UST: variants seen among roughly 807,000 people sequenced by gnomAD.
The protein encoded by UST is chondroitin sulfate 2-O-sulfotransferase.
UST carries 21 observed loss-of-function variants against 45.6 expected under a neutral mutation model. The ratio of observed to expected loss-of-function variants is 0.46; its 90% CI spans 0.33 to 0.66. The LOEUF is 0.66. Ranked by LOEUF, UST falls within the 30% of genes least tolerant of loss-of-function variation. The probability of loss-of-function intolerance (pLI) is 0.02; values close to 1 mark genes in which losing one functional copy is unlikely to be tolerated. For missense variants in UST, 463 were observed against 512.4 expected (o/e 0.90, Z 0.93); for synonymous variants, 215 against 200.6 (o/e 1.07, Z -0.61).
Position 148,890,997 on chromosome 6 carries a change from A to G in UST, c.291+3968A>G, listed in dbSNP as rs142932073. Among the ~76,000 whole-genome samples, 481 of 152,336 alleles carry G rather than the reference A, an allele frequency of 3.2e-3. 5 individuals are homozygous for G. Among genetic ancestry groups the G allele is most frequent in the African/African-American group, 0.011 (458 of 41,574 alleles). ...TGTTTGTATGTATGCCTACAGAGAC[A>G]AGCCTGGAAAGGGTAATAGTGTTTT... On this transcript the variant is annotated intron_variant, in intron 2 of 7. Coordinates refer to ENST00000367463, the MANE Select transcript of UST (RefSeq NM_005715.3).
intron 7 of UST, among the ~76,000 whole-genome samples, chr6:149,050,546 T>C (rs530306035): frequency 1.6e-4 from 25 of 152,336 alleles, no homozygotes; most frequent in African/African-American, 5.5e-4. Context: ...CCTATTTGCT[T>C]TTTCTAGTGA....
At chr6:148,751,433 G>A (rs931031917) in intron 1 of UST, among the ~76,000 whole-genome samples, 4 of 151,260 alleles carry the variant, frequency 2.6e-5, no homozygotes, top group Admixed American at 2.0e-4. Context: ...GTGTGGGGAA[G>A]GACGAGAACA....
chr6:148,802,615 T>A (rs1472975284), intron 1 of UST, among the ~76,000 whole-genome samples: 3 of 152,222 alleles, frequency 2.0e-5, no homozygotes, highest in African/African-American at 7.2e-5. Context: ...GAATTTTATA[T>A]ACACTCTCTT....
At chr6:148,776,184 T>A (rs1382449014) in intron 1 of UST, among the ~76,000 whole-genome samples, 1 of 152,194 alleles carries the variant, frequency 6.6e-6, no homozygotes, top group African/African-American at 2.4e-5. Context: ...AATACCAGCC[T>A]GGTGTTGTTC....
chr6:148,962,045 C>T (rs1021800335), intron 4 of UST, among the ~76,000 whole-genome samples: 5 of 152,140 alleles, frequency 3.3e-5, no homozygotes, highest in South Asian at 2.1e-4. Context: ...GGTTGGCAGC[C>T]GGCAACCATT....
chr6:148,768,906 C>G (rs995483869), intron 1 of UST, among the ~76,000 whole-genome samples: 3 of 152,240 alleles, frequency 2.0e-5, no homozygotes, highest in Non-Finnish European at 2.9e-5. Flanking sequence ...ATTCTCAGCA[C>G]AGGTCCACAG....
At chr6:148,986,160 C>T (rs920160588) in intron 5 of UST, among the ~76,000 whole-genome samples, 5 of 152,204 alleles carry the variant, frequency 3.3e-5, no homozygotes, top group South Asian at 2.1e-4. Context: ...TATTAGCCTA[C>T]GGGAAGCATG....
At chr6:148,852,444 A>G (rs955058023) in intron 1 of UST, among the ~76,000 whole-genome samples, 1 of 152,210 alleles carries the variant, frequency 6.6e-6, no homozygotes, top group African/African-American at 2.4e-5. Context: ...TTCATGTTCC[A>G]TTGAGGCTCC....
At chr6:148,906,348 G>T (rs1271737675) in intron 2 of UST, among the ~76,000 whole-genome samples, 2 of 152,142 alleles carry the variant, frequency 1.3e-5, no homozygotes, top group Non-Finnish European at 2.9e-5. Flanking sequence ...TAGTTTATGA[G>T]GATTTCAGGT....
chr6:148,950,888 T>C (rs1780350597), intron 3 of UST, among the ~76,000 whole-genome samples: 1 of 152,184 alleles, frequency 6.6e-6, no homozygotes, highest in Non-Finnish European at 1.5e-5. Context: ...ATCATCTCTA[T>C]AGCCATAACC....
intron 2 of UST, among the ~76,000 whole-genome samples, chr6:148,902,914 C>G (rs1779287368): frequency 6.6e-6 from 1 of 152,082 alleles, no homozygotes; most frequent in Non-Finnish European, 1.5e-5. Context: ...TTGTTGTTCT[C>G]TGAATGTTCC....
chr6:148,973,705 A>AT (rs920407433), intron 5 of UST, among the ~76,000 whole-genome samples: 2 of 152,114 alleles, frequency 1.3e-5, no homozygotes, highest in African/African-American at 4.8e-5. Flanking sequence ...CATTTGTAAT[A>AT]TTTTTTTCCC....
chr6:149,019,382 A>G, intron 6 of UST, 146 bp downstream of exon 6: 1 of 655,608 alleles, frequency 1.5e-6, no homozygotes, highest in Non-Finnish European at 2.7e-6. Flanking sequence ...ATCTTTCAAG[A>G]TAATATTTGA....
chr6:148,938,530 G>A (rs1304536057), intron 2 of UST, among the ~76,000 whole-genome samples: 1 of 152,030 alleles, frequency 6.6e-6, no homozygotes, highest in Non-Finnish European at 1.5e-5. Flanking sequence ...AAATTCAAAT[G>A]ACCTACCATA....
At chr6:148,826,098 C>A (rs1424415853) in intron 1 of UST, among the ~76,000 whole-genome samples, 2 of 152,104 alleles carry the variant, frequency 1.3e-5, no homozygotes, top group African/African-American at 4.8e-5. Flanking sequence ...TAAATGAGTT[C>A]TGTCTAAGAG....
chr6:149,026,694 C>CAT (rs1486740443), intron 7 of UST, among the ~76,000 whole-genome samples: 1 of 152,210 alleles, frequency 6.6e-6, no homozygotes, highest in Non-Finnish European at 1.5e-5. Flanking sequence ...AGCATCCAGA[C>CAT]ATAGAACTCT....
intron 4 of UST, 43 bp from the exon 5 acceptor site, chr6:148,964,367 G>C (rs202219012): frequency 1.2e-5 from 19 of 1,608,242 alleles, no homozygotes; most frequent in Non-Finnish European, 1.5e-5. Flanking sequence ...CCCTGTTTTC[G>C]TCCTGCAGTG....
intron 1 of UST, among the ~76,000 whole-genome samples, chr6:148,859,837 T>C (rs1456480238): frequency 2.0e-5 from 3 of 152,214 alleles, no homozygotes; most frequent in Non-Finnish European, 2.9e-5. Context: ...GGCTCTGTTC[T>C]GTTCCATTGA....
chr6:148,914,412 G>A (rs1779542662), intron 2 of UST, among the ~76,000 whole-genome samples: 1 of 151,934 alleles, frequency 6.6e-6, no homozygotes, highest in African/African-American at 2.4e-5. Context: ...TGGGTGGGGA[G>A]GATGGTTTCA....
Sources: allele counts gnomAD v4.1 joint callset (sites outside exome capture counted in the v4.1 genomes callset), GRCh38; gene constraint gnomAD v4.1.1; transcripts MANE v1.5; gene names NCBI Gene and HGNC (gene_info 2026-07-23, HGNC 2026-07-21).